Variants in MARCHF1 observed in about 807,000 individuals in gnomAD.
The protein encoded by MARCHF1 is E3 ubiquitin-protein ligase MARCHF1.
Under a neutral mutation model 54.2 loss-of-function variants are expected in MARCHF1, and 40 were observed. That is an observed-to-expected ratio of 0.74 (90% CI 0.57 to 0.96). MARCHF1 has a LOEUF of 0.96. Ranked by LOEUF, MARCHF1 falls within the 40% of genes least tolerant of loss-of-function variation. The pLI, the probability that MARCHF1 is intolerant of heterozygous loss-of-function variation, is 0.00. For missense variants in MARCHF1, 586 were observed against 656.5 expected (o/e 0.89, Z 1.17); for synonymous variants, 236 against 236.3 (o/e 1.00, Z 0.01).
intron 2 of MARCHF1, among the ~76,000 whole-genome samples, chr4:164,038,142 CTG>C (rs1472655163): frequency 5.3e-5 from 8 of 152,080 alleles, no homozygotes; most frequent in Non-Finnish European, 1.5e-5. Context: ...CTGGATCACT[CTG>C]TACGTTTTCT....
At chr4:163,883,034 G>GT (rs1279587048) in intron 3 of MARCHF1, among the ~76,000 whole-genome samples, 1 of 152,084 alleles carries the variant, frequency 6.6e-6, no homozygotes, top group African/African-American at 2.4e-5. Context: ...TGAAATATAT[G>GT]TAAGAGCACC....
At chr4:164,025,701 TA>T (rs201500031) in intron 2 of MARCHF1, among the ~76,000 whole-genome samples, 1,639 of 133,820 alleles carry the variant, frequency 0.012, 13 homozygotes, top group East Asian at 0.027. Context: ...CCCAAAGCTA[TA>T]AAAAAAAAAA....
chr4:164,100,710 G>C (rs762415173), intron 2 of MARCHF1, among the ~76,000 whole-genome samples: 5 of 152,208 alleles, frequency 3.3e-5, no homozygotes, highest in Non-Finnish European at 7.3e-5. Flanking sequence ...GCCTGCTGGA[G>C]ATAGTTGATA....
chr4:164,340,418 T>TAG (rs1474196493), intron 1 of MARCHF1, among the ~76,000 whole-genome samples: 1 of 124,156 alleles, frequency 8.1e-6, no homozygotes, highest in Non-Finnish European at 1.7e-5. Flanking sequence ...TATATAGATA[T>TAG]ATATATATAT....
intron 4 of MARCHF1, among the ~76,000 whole-genome samples, chr4:163,706,649 T>TA (rs1159297773): frequency 2.0e-5 from 3 of 152,044 alleles, no homozygotes; most frequent in African/African-American, 7.2e-5. Context: ...AATTTTCTAA[T>TA]ATATAAACCC....
chr4:163,949,165 G>A (rs1318748700), intron 3 of MARCHF1, among the ~76,000 whole-genome samples: 1 of 152,258 alleles, frequency 6.6e-6, no homozygotes, highest in Admixed American at 6.5e-5. Flanking sequence ...ATGGGTATGT[G>A]AGTGAGTGAG....
At chr4:164,107,979 A>G (rs1456768236) in intron 2 of MARCHF1, among the ~76,000 whole-genome samples, 1 of 152,094 alleles carries the variant, frequency 6.6e-6, no homozygotes, top group East Asian at 1.9e-4. Context: ...TTATATTTCC[A>G]TTCATCAGTT....
intron 4 of MARCHF1, among the ~76,000 whole-genome samples, chr4:163,763,197 A>G (rs937747919): frequency 6.6e-6 from 1 of 152,052 alleles, no homozygotes; most frequent in African/African-American, 2.4e-5. Context: ...AACAGAAATC[A>G]AGGGAGGCCC....
At chr4:163,653,783 G>A (rs1743050307) in intron 5 of MARCHF1, among the ~76,000 whole-genome samples, 1 of 151,684 alleles carries the variant, frequency 6.6e-6, no homozygotes, top group South Asian at 2.1e-4. Flanking sequence ...GAATTTTAGA[G>A]TTTGGGTTTG....
intron 3 of MARCHF1, among the ~76,000 whole-genome samples, chr4:163,978,513 AT>A (rs1399632814): frequency 6.6e-6 from 1 of 152,116 alleles, no homozygotes; most frequent in Non-Finnish European, 1.5e-5. Flanking sequence ...CATACTTGTC[AT>A]TATTTTATAT....
At chr4:163,635,744 T>A (rs1331725327) in intron 5 of MARCHF1, among the ~76,000 whole-genome samples, 1 of 152,150 alleles carries the variant, frequency 6.6e-6, no homozygotes, top group Non-Finnish European at 1.5e-5. Flanking sequence ...ACTCATTTCA[T>A]GAGGCCAGCA....
At chr4:164,213,400 A>T (rs2111125518) in intron 1 of MARCHF1, among the ~76,000 whole-genome samples, 1 of 151,608 alleles carries the variant, frequency 6.6e-6, no homozygotes, top group Admixed American at 6.6e-5. Flanking sequence ...TGCCCGGCTA[A>T]ATTTTTGTAT....
intron 3 of MARCHF1, among the ~76,000 whole-genome samples, chr4:163,879,161 T>C (rs1750359527): frequency 6.6e-6 from 1 of 152,212 alleles, no homozygotes; most frequent in East Asian, 1.9e-4. Flanking sequence ...TAAGATTTTG[T>C]GTAACTTGCA....
chr4:164,147,162 G>T (rs1474731252), intron 1 of MARCHF1, among the ~76,000 whole-genome samples: 1 of 151,748 alleles, frequency 6.6e-6, no homozygotes, highest in Non-Finnish European at 1.5e-5. Context: ...ATCATTAAAA[G>T]TCAGGAAACA....
At chr4:164,135,588 C>T (rs1225411094) in intron 1 of MARCHF1, 1 of 152,166 alleles carries the variant, frequency 6.6e-6, no homozygotes, top group Non-Finnish European at 1.5e-5. Flanking sequence ...AACTCACTCA[C>T]TCTCATGAGA....
At chr4:163,802,140 T>C (rs1419218470) in intron 4 of MARCHF1, among the ~76,000 whole-genome samples, 2 of 152,038 alleles carry the variant, frequency 1.3e-5, no homozygotes, top group Non-Finnish European at 2.9e-5. Context: ...AATTTTCCTC[T>C]GAATCCATCC....
intron 2 of MARCHF1, among the ~76,000 whole-genome samples, chr4:164,041,083 C>G (rs185501994): frequency 7.9e-5 from 12 of 152,142 alleles, no homozygotes; most frequent in Non-Finnish European, 1.3e-4. Flanking sequence ...CATAATATAA[C>G]AAAACTGTTA....
intron 4 of MARCHF1, among the ~76,000 whole-genome samples, chr4:163,750,674 C>T (rs1746496718): frequency 6.6e-6 from 1 of 152,102 alleles, no homozygotes; most frequent in Non-Finnish European, 1.5e-5. Flanking sequence ...CAAAGAACCA[C>T]TTTGTCTCAT....
intron 5 of MARCHF1, among the ~76,000 whole-genome samples, chr4:163,688,904 T>G (rs1744355144): frequency 6.6e-6 from 1 of 152,154 alleles, no homozygotes; most frequent in Non-Finnish European, 1.5e-5. Context: ...ATGGAATCAG[T>G]CTTGTTTAAA....
Sources: allele counts gnomAD v4.1 joint callset (sites outside exome capture counted in the v4.1 genomes callset), GRCh38; gene constraint gnomAD v4.1.1; transcripts MANE v1.5; gene names NCBI Gene and HGNC (gene_info 2026-07-23, HGNC 2026-07-21).